The following CYBB variants were observed in gnomAD, a reference collection of about 807,000 sequenced individuals.
The protein encoded by CYBB is cytochrome b-245 beta chain, also known as NADPH oxidase 2.
A neutral mutation model predicts 46.5 loss-of-function variants in CYBB; 5 were observed. The ratio of observed to expected loss-of-function variants is 0.11; its 90% CI spans 0.06 to 0.23. The LOEUF (loss-of-function observed/expected upper bound fraction) is 0.23. CYBB is among the 10% of genes least tolerant of loss of function. The pLI is 1.00. For missense variants in CYBB, 307 were observed against 428.3 expected (o/e 0.72, Z 2.50); for synonymous variants, 183 against 156.7 (o/e 1.17, Z -1.26).
intron 7 of CYBB, among the ~76,000 whole-genome samples, chrX:37,799,917 G>C (rs1929401655): frequency 9.0e-6 from 1 of 110,846 alleles, no homozygotes; most frequent in Admixed American, 9.6e-5. Context: ...ATAACATAAA[G>C]GCAAATTTTC....
In CYBB at chrX:37,792,466, G is replaced by A. The variant is rs5964113; in HGVS notation, c.337+407G>A. Among the ~76,000 whole-genome samples the A allele has an allele frequency of 6.9e-3, 770 of 111,078 alleles. 11 individuals are homozygous for A. The highest frequency in any genetic ancestry group is 0.023 in the African/African-American group (702 of 30,617). ...CTACAGGAGCCATAGCCCATAAATT[G>A]AGAATCCCTCAAGACGGTCATTATC... On this transcript the variant is annotated intron_variant, in intron 4 of 12. Transcript: ENST00000378588.
intron 7 of CYBB, 70 bp downstream of exon 7, chrX:37,799,154 G>A (rs1285984225): frequency 9.8e-7 from 1 of 1,021,628 alleles, no homozygotes; most frequent in Non-Finnish European, 1.4e-6. Flanking sequence ...TAAGAAACAT[G>A]TACAGATGTT....
At chrX:37,781,422 T>C (rs1928950299) in intron 1 of CYBB, among the ~76,000 whole-genome samples, 1 of 112,358 alleles carries the variant, frequency 8.9e-6, no homozygotes, top group South Asian at 3.6e-4. Flanking sequence ...CAAAGCATAG[T>C]TGAGAAAAGA....
At chrX:37,785,991 C>G (rs782810731) in intron 3 of CYBB, among the ~76,000 whole-genome samples, 3 of 111,649 alleles carry the variant, frequency 2.7e-5, no homozygotes, top group Non-Finnish European at 3.8e-5. Flanking sequence ...GACTGCCCTT[C>G]AAATCGCAGA....
In CYBB at chrX:37,799,057, C is replaced by G; in HGVS notation, c.777C>G (p.Ile259Met). The G allele has an allele frequency of 8.3e-7, 1 of 1,207,984 alleles. No homozygotes were observed. Among genetic ancestry groups the G allele is most frequent in the Non-Finnish European group, 1.1e-6 (1 of 892,470 alleles). ...SEWGKIKECP[I>M]PQFAGNPPMT... ...GGGGAAAAATAAAGGAATGCCCAAT[C>G]CCTCAGTTTGCTGGAAACCCTCCTA... The change falls in exon 7 of 13, where the codon ATC becomes ATG. Residue 259 changes from isoleucine (I) to methionine (M), a missense_variant. Physicochemically the swap from Ile to Met is conservative, Grantham distance 10. Transcript: ENST00000378588.
At chrX:37,791,017 C>A (rs1602177979) in intron 3 of CYBB, among the ~76,000 whole-genome samples, 1 of 111,575 alleles carries the variant, frequency 9.0e-6, no homozygotes, top group East Asian at 2.8e-4. Flanking sequence ...TTCAAACTCA[C>A]ATTTTCTAAC....
chrX:37,810,682 C>T, intron 12 of CYBB, 109 bp from the exon 13 acceptor site: 1 of 778,177 alleles, frequency 1.3e-6, no homozygotes, highest in African/African-American at 2.0e-5. Context: ...GAAAAAGGAG[C>T]AGAGGGGACT....
intron 1 of CYBB, 75 bp downstream of exon 1, chrX:37,780,197 C>A: frequency 1.1e-6 from 1 of 873,938 alleles, no homozygotes; most frequent in Non-Finnish European, 1.7e-6. Flanking sequence ...TAGACCAAAG[C>A]TTTTTTGTTC....
In CYBB at chrX:37,793,794, C is replaced by A. The variant is rs782596052; in HGVS notation, c.467C>A (p.Ala156Asp). 3 of 1,206,437 alleles carry A rather than the reference C, an allele frequency of 2.5e-6. No homozygotes were observed. The highest frequency in any genetic ancestry group is 2.2e-6 in the Non-Finnish European group (2 of 892,792). ...DRQNESYLNF[A>D]RKRIKNPEGG... is the part of the protein sequence containing the mutation. ...CAAAATGAAAGTTATCTCAATTTTG[C>A]TCGAAAGAGAATAAAGGTAAGCCTC... The change falls in exon 5 of 13, where the codon GCT becomes GAT. Residue 156 changes from alanine (A) to aspartate (D), a missense_variant. Physicochemically the swap from Ala to Asp is moderately radical, Grantham distance 126. Transcript: ENST00000378588.
At chrX:37,788,692 C>A (rs1473930845) in intron 3 of CYBB, among the ~76,000 whole-genome samples, 3 of 111,274 alleles carry the variant, frequency 2.7e-5, no homozygotes, top group African/African-American at 9.8e-5. Flanking sequence ...TGGGACCCAA[C>A]ATAGGTATAT....
Position 37,803,984 on chromosome X carries a change from G to T in CYBB, c.1005G>T (p.Leu335=), listed in dbSNP as rs782661934. The change falls in exon 9 of 13, where the codon CTG becomes CTT. Residue 335 remains leucine, a synonymous_variant. Transcript: ENST00000378588. ...TCAAGTGCCCAAAGGTGTCCAAGCT[G>T]GAGTGGCACCCTTTTACACTGACAT... ...IFVKCPKVSK[L]EWHPFTLTSA... 8.3e-7 allele frequency: 1 copy of T among 1,211,400 alleles called. No homozygotes were observed.
chrX:37,807,987 A>T (rs190729145), intron 11 of CYBB, among the ~76,000 whole-genome samples: 7 of 112,245 alleles, frequency 6.2e-5, no homozygotes, highest in Non-Finnish European at 1.3e-4. Flanking sequence ...CTGGAGTGGT[A>T]ACATCTTTGT....
intron 7 of CYBB, 138 bp from the exon 8 acceptor site, chrX:37,801,118 G>T (rs1929428911): frequency 3.9e-6 from 2 of 511,386 alleles, no homozygotes; most frequent in Non-Finnish European, 7.1e-6. Flanking sequence ...CATTGTAGAA[G>T]AAATTTATTT....
chrX:37,785,172 C>G (rs6520785), intron 3 of CYBB, among the ~76,000 whole-genome samples: 35,143 of 111,416 alleles, frequency 0.32, 6,221 homozygotes, highest in African/African-American at 0.7. Context: ...ATCTAAAGTA[C>G]AAGTTGGCAG....
At position 37,811,580 on chromosome X, in the gene CYBB, A is replaced by G. The variant is rs1029514720; in HGVS notation, c.*663A>G. 4 of 112,852 alleles carry G rather than the reference A, an allele frequency of 3.5e-5. No homozygotes were observed. Among genetic ancestry groups the G allele is most frequent in the African/African-American group, 1.3e-4 (4 of 30,874 alleles). The allele number at this position is 112,852 out of a possible 1,213,427, so 9.3% of individuals were successfully genotyped here. A position where few individuals can be genotyped will look rare whatever the true frequency, so the allele number is the denominator to read the frequency against. On this transcript the variant is annotated 3_prime_UTR_variant, in exon 13 of 13. Transcript: ENST00000378588. The stretch of plus-strand genomic sequence containing the variant: ...AAGAATATTGGATTGATTGGAGTTA[A>G]TGTAATACTCATCATTTACCACTGT...
rs180899069 is a variant in CYBB, at chrX:37,793,715, C to A, written c.388C>A (p.Arg130=). The A allele has an allele frequency of 2.7e-5, 33 of 1,204,609 alleles. No homozygotes were observed. The Middle Eastern group carries it at 9.2e-4, about 34-fold the overall frequency. Residue 130 remains arginine (R), a synonymous_variant, in exon 5 of 13, where the codon CGA becomes AGA. Coordinates refer to ENST00000378588, the MANE Select transcript of CYBB (RefSeq NM_000397.4). Reference sequence around the variant, plus strand: ...TAATGTGGAATGGTGTGTGAATGCCCGAGTCAATAATTCTGATCCTTATTC... The same window carrying A: ...TAATGTGGAATGGTGTGTGAATGCCAGAGTCAATAATTCTGATCCTTATTC... The part of the protein sequence containing the change: ...LFNVEWCVNA[R]VNNSDPYSVA...
intron 4 of CYBB, among the ~76,000 whole-genome samples, chrX:37,792,281 T>C (rs1169162698): frequency 8.9e-6 from 1 of 111,847 alleles, no homozygotes; most frequent in Non-Finnish European, 1.9e-5. Context: ...AGGATTTTCC[T>C]ATAAAAATGA....
intron 3 of CYBB, among the ~76,000 whole-genome samples, chrX:37,790,370 T>A (rs1260529962): frequency 8.1e-5 from 9 of 111,662 alleles, no homozygotes; most frequent in Non-Finnish European, 1.1e-4. Flanking sequence ...TGCATTTGGT[T>A]TGGTAGAAAA....
chrX:37,796,550 T>C (rs1929311758), intron 6 of CYBB, among the ~76,000 whole-genome samples: 1 of 111,513 alleles, frequency 9.0e-6, no homozygotes, highest in Non-Finnish European at 1.9e-5. Flanking sequence ...GTTCAATAAG[T>C]TTTGATTTAA....
Sources: allele counts gnomAD v4.1 joint callset (sites outside exome capture counted in the v4.1 genomes callset), GRCh38; gene constraint gnomAD v4.1.1; transcripts MANE v1.5; gene names NCBI Gene and HGNC (gene_info 2026-07-23, HGNC 2026-07-21).